DYM: variants seen among roughly 807,000 people sequenced by gnomAD.
DYM encodes the protein dyggve-Melchior-Clausen syndrome protein.
A neutral mutation model predicts 93.1 loss-of-function variants in DYM; 78 were observed. That is an observed-to-expected ratio of 0.84 (90% CI 0.70 to 1.01). The LOEUF is 1.01. Ranked by LOEUF, DYM falls within the 50% of genes least tolerant of loss-of-function variation. The pLI is 0.00. For missense variants in DYM, 789 were observed against 845.0 expected, an observed-to-expected ratio of 0.93 and a Z score of 0.82; for synonymous variants, 321 against 319.7, an observed-to-expected ratio of 1.00 and a Z score of -0.04.
intron 14 of DYM, among the ~76,000 whole-genome samples, chr18:49,190,620 A>G (rs781269630): frequency 6.6e-6 from 1 of 152,238 alleles, no homozygotes; most frequent in Non-Finnish European, 1.5e-5. Flanking sequence ...ATGAGATACA[A>G]GAACGAACTT....
chr18:49,106,732 C>T (rs1035118408), intron 16 of DYM, among the ~76,000 whole-genome samples: 1 of 152,128 alleles, frequency 6.6e-6, no homozygotes, highest in African/African-American at 2.4e-5. Context: ...TGAATATTGG[C>T]CCCCACTCTC....
chr18:49,171,000 A>ACAAAAACAAAACC (rs2088638251), intron 14 of DYM, among the ~76,000 whole-genome samples: 1 of 152,090 alleles, frequency 6.6e-6, no homozygotes, highest in Non-Finnish European at 1.5e-5. Context: ...AAACGTACAA[A>ACAAAAACAAAACC]CAAAAACAAA....
intron 17 of DYM, among the ~76,000 whole-genome samples, chr18:49,075,319 T>C (rs577832435): frequency 6.6e-6 from 1 of 152,180 alleles, no homozygotes; most frequent in Non-Finnish European, 1.5e-5. Context: ...GAGGTTGTGC[T>C]GGCTTGGTTG....
chr18:49,177,511 G>A (rs576232881), intron 14 of DYM, among the ~76,000 whole-genome samples: 3 of 152,132 alleles, frequency 2.0e-5, no homozygotes, highest in African/African-American at 7.2e-5. Flanking sequence ...AATATAATTA[G>A]TCTTTGGGAT....
At chr18:49,206,798 A>G (rs754732728) in intron 14 of DYM, among the ~76,000 whole-genome samples, 17 of 152,182 alleles carry the variant, frequency 1.1e-4, no homozygotes, top group Non-Finnish European at 1.9e-4. Flanking sequence ...CTTGATATTG[A>G]AAAAATACCC....
intron 17 of DYM, among the ~76,000 whole-genome samples, chr18:49,060,696 A>G (rs1599433958): frequency 2.7e-5 from 1 of 37,246 alleles, no homozygotes; most frequent in African/African-American, 1.1e-4. Flanking sequence ...GAGGGGGGAG[A>G]GACGGAGGGG....
At chr18:49,139,502 T>G (rs953573206) in intron 15 of DYM, among the ~76,000 whole-genome samples, 1 of 152,140 alleles carries the variant, frequency 6.6e-6, no homozygotes, top group Admixed American at 6.5e-5. Context: ...AAACTACTGT[T>G]TGAGGGAGAC....
intron 13 of DYM, among the ~76,000 whole-genome samples, chr18:49,241,760 G>T (rs1414053420): frequency 6.6e-6 from 1 of 152,178 alleles, no homozygotes; most frequent in Non-Finnish European, 1.5e-5. Flanking sequence ...AGTTTGTCAA[G>T]AACTGATATC....
intron 14 of DYM, among the ~76,000 whole-genome samples, chr18:49,176,574 C>CT (rs36121103): frequency 0.025 from 2,512 of 99,360 alleles, 72 homozygotes; most frequent in Non-Finnish European, 0.036. Flanking sequence ...CCAAGCCTGG[C>CT]TTTTTTTTTT....
chr18:49,383,743 G>A (rs1341818233), intron 3 of DYM, among the ~76,000 whole-genome samples: 3 of 152,286 alleles, frequency 2.0e-5, no homozygotes, highest in Admixed American at 2.0e-4. Flanking sequence ...GCTCCATGAG[G>A]TCAGAGACCC....
intron 17 of DYM, chr18:49,097,192 A>C (rs1312495429): frequency 1.6e-6 from 1 of 607,604 alleles, no homozygotes; most frequent in Non-Finnish European, 2.9e-6. Context: ...ATTATAGTGC[A>C]TGCCATGGCT....
At chr18:49,044,525 T>A (rs1323668850) in intron 17 of DYM, among the ~76,000 whole-genome samples, 1 of 152,242 alleles carries the variant, frequency 6.6e-6, no homozygotes, top group African/African-American at 2.4e-5. Context: ...GGACCCTGCC[T>A]GGGAGGCAGA....
chr18:49,266,260 T>C (rs1302629554), intron 11 of DYM, among the ~76,000 whole-genome samples: 3 of 152,188 alleles, frequency 2.0e-5, no homozygotes, highest in Admixed American at 1.3e-4. Flanking sequence ...TAAACAATGA[T>C]TCTAACATCT....
At chr18:49,065,803 G>GT (rs997692350) in intron 17 of DYM, among the ~76,000 whole-genome samples, 18 of 152,074 alleles carry the variant, frequency 1.2e-4, no homozygotes, top group African/African-American at 4.3e-4. Flanking sequence ...ATACTTTGAT[G>GT]TATCTCTTTC....
At chr18:49,198,251 G>A (rs201847253) in intron 14 of DYM, among the ~76,000 whole-genome samples, 5 of 151,844 alleles carry the variant, frequency 3.3e-5, no homozygotes, top group African/African-American at 9.7e-5. Context: ...TAAAGACTTA[G>A]ATGTTAGACC....
chr18:49,050,796 C>T (rs2072337798), intron 17 of DYM, among the ~76,000 whole-genome samples: 1 of 152,100 alleles, frequency 6.6e-6, no homozygotes, highest in South Asian at 2.1e-4. Context: ...TGGTGCTTCT[C>T]TTATTTGTTG....
chr18:49,168,958 T>A (rs1311179478), intron 14 of DYM, among the ~76,000 whole-genome samples: 3 of 151,924 alleles, frequency 2.0e-5, no homozygotes, highest in Non-Finnish European at 4.4e-5. Context: ...TAGAGAAAAC[T>A]CACAGGGGTG....
chr18:49,156,337 T>C (rs192696876), intron 15 of DYM, among the ~76,000 whole-genome samples: 1 of 152,212 alleles, frequency 6.6e-6, no homozygotes, highest in East Asian at 1.9e-4. Context: ...CTGTGGGAAC[T>C]TGGAATCTCC....
At chr18:49,112,068 C>A (rs946842129) in intron 16 of DYM, among the ~76,000 whole-genome samples, 7 of 151,410 alleles carry the variant, frequency 4.6e-5, no homozygotes, top group African/African-American at 1.5e-4. Context: ...TGGGTCTCTA[C>A]CTATGCCCCG....
Sources: allele counts gnomAD v4.1 joint callset (sites outside exome capture counted in the v4.1 genomes callset), GRCh38; gene constraint gnomAD v4.1.1; transcripts MANE v1.5; gene names NCBI Gene and HGNC (gene_info 2026-07-23, HGNC 2026-07-21).